The following SEMA5A variants were observed in gnomAD, a reference collection of about 807,000 sequenced individuals.
The protein encoded by SEMA5A is semaphorin 5A, also known as semaphorin-5A.
A neutral mutation model predicts 135.5 loss-of-function variants in SEMA5A; 55 were observed. The ratio of observed to expected loss-of-function variants is 0.41; its 90% CI spans 0.33 to 0.51. The LOEUF (loss-of-function observed/expected upper bound fraction) is 0.51, where lower values mean the gene tolerates loss of function less well. SEMA5A is among the 20% of genes least tolerant of loss of function. The probability of loss-of-function intolerance (pLI) is 0.37; values close to 1 mark genes in which losing one functional copy is unlikely to be tolerated. For synonymous variants in SEMA5A, 580 were observed against 546.5 expected (o/e 1.06, Z -0.85); for missense variants, 1,290 against 1,419.9 (o/e 0.91, Z 1.47).
chr5:9,455,063 C>A (rs1023340528), intron 1 of SEMA5A, among the ~76,000 whole-genome samples: 1 of 151,984 alleles, frequency 6.6e-6, no homozygotes. Context: ...TTATGAGTGA[C>A]AAATCAAACT....
chr5:9,119,006 G>T lies in SEMA5A; in HGVS notation c.1917C>A (p.Arg639=), dbSNP rs747714402. The change falls in exon 15 of 23, where the codon CGC becomes CGA. Residue 639 remains arginine (R), a synonymous_variant. Transcript: ENST00000382496. ...HGGRVCVGQN[R]EERYCNEHLL... is the part of the protein sequence containing the mutation. ...GCAGGGTGGGCACGTACCTTTCCTC[G>T]CGGTTCTGTCCCACGCACACCCGGC... is the stretch of plus-strand genomic sequence containing the variant. 6.8e-6 allele frequency: 11 copies of T among 1,613,000 alleles called. No homozygotes were observed. The Admixed American group carries it at 1.8e-4, about 27-fold the overall frequency.
At position 9,036,700 on chromosome 5, in the gene SEMA5A, T is replaced by C. The variant is rs887349819; in HGVS notation, c.*6197A>G. ...TCACATCTGAAGATGATGTGCTTCT[T>C]GGTCATTTTCTATTCCTGAGTTCAA... On this transcript the variant is annotated 3_prime_UTR_variant, in exon 23 of 23. Transcript: ENST00000382496. 1.3e-5 allele frequency: 2 copies of C among 152,648 alleles called. No individual in the cohort carries two copies. The highest frequency in any genetic ancestry group is 2.9e-5 in the Non-Finnish European group (2 of 68,040). 9.5% of individuals were successfully genotyped at this position (152,648 alleles called of 1,614,324 possible). A position where few individuals can be genotyped will look rare whatever the true frequency, so the allele number is the denominator to read the frequency against.
intron 3 of SEMA5A, among the ~76,000 whole-genome samples, chr5:9,374,358 G>A (rs1031008979): frequency 5.4e-5 from 8 of 147,402 alleles, no homozygotes; most frequent in Non-Finnish European, 7.4e-5. Flanking sequence ...AAGACGTTCC[G>A]TTACCATCCA....
chr5:9,170,522 C>T (rs953786202), intron 11 of SEMA5A, among the ~76,000 whole-genome samples: 3 of 152,038 alleles, frequency 2.0e-5, no homozygotes, highest in African/African-American at 4.8e-5. Context: ...TAAGTCCCAA[C>T]GTGGTCATAT....
intron 1 of SEMA5A, among the ~76,000 whole-genome samples, chr5:9,467,620 G>A (rs181011949): frequency 6.6e-6 from 1 of 152,170 alleles, no homozygotes; most frequent in Non-Finnish European, 1.5e-5. Context: ...CTAGAGGACT[G>A]TAAGCATGGG....
At chr5:9,499,730 C>T (rs914673596) in intron 1 of SEMA5A, among the ~76,000 whole-genome samples, 1 of 152,122 alleles carries the variant, frequency 6.6e-6, no homozygotes, top group East Asian at 1.9e-4. Flanking sequence ...AATAACAAAA[C>T]CACAACCCCA....
chr5:9,314,300 C>T (rs1438733704), intron 5 of SEMA5A, among the ~76,000 whole-genome samples: 1 of 150,626 alleles, frequency 6.6e-6, no homozygotes, highest in Non-Finnish European at 1.5e-5. Flanking sequence ...CAGAACACTT[C>T]AACTCTAGCT....
At chr5:9,349,485 A>T (rs937648103) in intron 3 of SEMA5A, among the ~76,000 whole-genome samples, 1 of 152,204 alleles carries the variant, frequency 6.6e-6, no homozygotes, top group African/African-American at 2.4e-5. Context: ...AAGAAGATAA[A>T]TACTATCTGA....
chr5:9,351,127 T>C (rs1470589322), intron 3 of SEMA5A, among the ~76,000 whole-genome samples: 1 of 151,830 alleles, frequency 6.6e-6, no homozygotes, highest in African/African-American at 2.4e-5. Context: ...TAGGAAGAGA[T>C]CCAGTTCCCT....
At chr5:9,173,148 A>T (rs1197377764) in intron 11 of SEMA5A, among the ~76,000 whole-genome samples, 1 of 152,232 alleles carries the variant, frequency 6.6e-6, no homozygotes, top group South Asian at 2.1e-4. Flanking sequence ...ACTGTTGAAG[A>T]TCTGAAGAAA....
chr5:9,327,047 A>C (rs140386117), intron 4 of SEMA5A, among the ~76,000 whole-genome samples: 119 of 152,290 alleles, frequency 7.8e-4, no homozygotes, highest in African/African-American at 2.8e-3. Context: ...AACTATCCTA[A>C]AAAATGTCTG....
At chr5:9,373,913 A>G (rs1755247705) in intron 3 of SEMA5A, among the ~76,000 whole-genome samples, 1 of 152,232 alleles carries the variant, frequency 6.6e-6, no homozygotes, top group African/African-American at 2.4e-5. Flanking sequence ...AAACAAACAA[A>G]AGCAGAATAT....
rs978035284 is a variant in SEMA5A at position 9,104,745 on chromosome 5, G to A, written c.2073+3395C>T. ...ACCCACCACCCTGCTCCTTCCACCC[G>A]CTCTGTGAAGCCACAGGCATGCAGG... On this transcript the variant is annotated intron_variant, in intron 16 of 22. Coordinates refer to ENST00000382496, the MANE Select transcript of SEMA5A (RefSeq NM_003966.3). Among the ~76,000 whole-genome samples the A allele has an allele frequency of 5.3e-5, 8 of 152,286 alleles. No individual in the cohort carries two copies. The East Asian group carries it at 9.7e-4, about 18-fold the overall frequency.
chr5:9,098,215 G>A (rs1327776015), intron 16 of SEMA5A, among the ~76,000 whole-genome samples: 1 of 150,964 alleles, frequency 6.6e-6, no homozygotes, highest in Non-Finnish European at 1.5e-5. Flanking sequence ...TGCACTCCAG[G>A]CAACAGAGTG....
chr5:9,233,670 A>G (rs1431123294), intron 6 of SEMA5A, among the ~76,000 whole-genome samples: 1 of 152,228 alleles, frequency 6.6e-6, no homozygotes. Context: ...TTGTACTTTT[A>G]ATGGATTATA....
intron 15 of SEMA5A, among the ~76,000 whole-genome samples, chr5:9,112,954 C>T (rs191094614): frequency 6.6e-6 from 1 of 152,320 alleles, no homozygotes; most frequent in East Asian, 1.9e-4. Context: ...TGAGGGCAGC[C>T]TCTGGCTAAC....
At chr5:9,273,578 G>A (rs1004271278) in intron 5 of SEMA5A, among the ~76,000 whole-genome samples, 10 of 151,942 alleles carry the variant, frequency 6.6e-5, no homozygotes, top group African/African-American at 2.4e-4. Context: ...AATATTAAAG[G>A]CAGCCAAGAG....
intron 16 of SEMA5A, among the ~76,000 whole-genome samples, chr5:9,096,802 C>CATAAAAATT: frequency 6.6e-6 from 1 of 152,204 alleles, no homozygotes; most frequent in East Asian, 1.9e-4. Flanking sequence ...AAAGAAATTT[C>CATAAAAATT]TCCAAAGACA....
At chr5:9,272,717 A>G (rs947512451) in intron 5 of SEMA5A, among the ~76,000 whole-genome samples, 1 of 152,114 alleles carries the variant, frequency 6.6e-6, no homozygotes, top group Non-Finnish European at 1.5e-5. Context: ...TACCCAGGCA[A>G]ACAGGGTCTG....
Sources: allele counts gnomAD v4.1 joint callset (sites outside exome capture counted in the v4.1 genomes callset), GRCh38; gene constraint gnomAD v4.1.1; transcripts MANE v1.5; gene names NCBI Gene and HGNC (gene_info 2026-07-23, HGNC 2026-07-21).